Variants in KAT6B observed in about 807,000 individuals in gnomAD.
KAT6B encodes lysine acetyltransferase 6B, also known as histone acetyltransferase KAT6B.
In KAT6B, 10 loss-of-function variants were observed where a neutral mutation model predicts 187.5. That is an observed-to-expected ratio of 0.05 (90% CI 0.03 to 0.09). KAT6B has a LOEUF of 0.09. KAT6B is among the 10% of genes least tolerant of loss of function. KAT6B has a pLI of 1.00. For missense variants in KAT6B, 1,952 were observed against 2,558.9 expected, an observed-to-expected ratio of 0.76 and a Z score of 5.12; for synonymous variants, 861 against 926.8, an observed-to-expected ratio of 0.93 and a Z score of 1.29.
intron 3 of KAT6B, among the ~76,000 whole-genome samples, chr10:74,881,633 A>G (rs1159003803): frequency 6.6e-6 from 1 of 152,158 alleles, no homozygotes; most frequent in Admixed American, 6.5e-5. Flanking sequence ...CAAGGATGCC[A>G]TTAACCAGCA....
At chr10:74,908,545 G>A (rs1276249909) in intron 3 of KAT6B, among the ~76,000 whole-genome samples, 5 of 95,196 alleles carry the variant, frequency 5.3e-5, no homozygotes, top group Admixed American at 1.1e-4. Flanking sequence ...GCCAGACCCC[G>A]TCTCAAAAAA....
At chr10:75,001,438 T>C (rs1169328155) in intron 13 of KAT6B, among the ~76,000 whole-genome samples, 1 of 152,070 alleles carries the variant, frequency 6.6e-6, no homozygotes, top group Non-Finnish European at 1.5e-5. Context: ...CATACTTCAT[T>C]TCTACCCAGG....
rs1194708812 is a variant in KAT6B at position 74,898,170 on chromosome 10, G to A, written c.621+54692G>A. 2.6e-5 allele frequency among the ~76,000 whole-genome samples: 4 copies of A among 152,300 alleles called. No individual in the cohort carries two copies. The East Asian group carries it at 5.8e-4, about 22-fold the overall frequency. Reference sequence around the variant, plus strand: ...AAGGCATTGGTACAAAAAGGGAAAAGCACCTAGGATTTGGATCCTCAGTGG... The same window carrying A: ...AAGGCATTGGTACAAAAAGGGAAAAACACCTAGGATTTGGATCCTCAGTGG... On this transcript the variant is annotated intron_variant, in intron 3 of 17. Transcript: ENST00000287239.
intron 3 of KAT6B, among the ~76,000 whole-genome samples, chr10:74,947,909 T>G (rs1459988446): frequency 4.6e-5 from 7 of 152,218 alleles, no homozygotes; most frequent in Non-Finnish European, 8.8e-5. Context: ...GAGCAGAGTC[T>G]GTCCAAGATA....
chr10:74,984,914 A>G, intron 11 of KAT6B, 166 bp from the exon 12 acceptor site: 1 of 657,068 alleles, frequency 1.5e-6, no homozygotes, highest in Non-Finnish European at 2.6e-6. Context: ...TGCCAGTGAC[A>G]GCTGTTTTCT....
At chr10:74,831,967 T>A (rs1840898132) in intron 1 of KAT6B, among the ~76,000 whole-genome samples, 1 of 152,246 alleles carries the variant, frequency 6.6e-6, no homozygotes, top group Admixed American at 6.5e-5. Flanking sequence ...AACCTGTTTT[T>A]TGATAACATC....
At chr10:74,842,294 C>G (rs1337677325) in intron 2 of KAT6B, among the ~76,000 whole-genome samples, 2 of 152,004 alleles carry the variant, frequency 1.3e-5, no homozygotes, top group Admixed American at 1.3e-4. Flanking sequence ...CAGACATATA[C>G]CTCAAACCAC....
intron 3 of KAT6B, among the ~76,000 whole-genome samples, chr10:74,859,173 C>T (rs12217796): frequency 6.6e-6 from 1 of 152,110 alleles, no homozygotes. Context: ...CTCCACCTCC[C>T]AGGTTCAAGC....
At chr10:74,851,351 T>G (rs868639694) in intron 3 of KAT6B, among the ~76,000 whole-genome samples, 319 of 148,418 alleles carry the variant, frequency 2.1e-3, no homozygotes, top group African/African-American at 7.6e-3. Context: ...TTTTTTTTTT[T>G]GGAGATGGAG....
chr10:74,854,942 A>G (rs953851510), intron 3 of KAT6B, among the ~76,000 whole-genome samples: 1 of 152,216 alleles, frequency 6.6e-6, no homozygotes, highest in African/African-American at 2.4e-5. Context: ...TTTTTATTAT[A>G]GGTATACAAA....
chr10:74,970,861 TAA>T (rs1841804376), intron 6 of KAT6B, among the ~76,000 whole-genome samples: 1 of 152,184 alleles, frequency 6.6e-6, no homozygotes, highest in African/African-American at 2.4e-5. Flanking sequence ...TCCTCCCTCT[TAA>T]TAGATTATAA....
chr10:74,920,570 A>AT (rs148975801), intron 3 of KAT6B, among the ~76,000 whole-genome samples: 3,774 of 150,008 alleles, frequency 0.025, 156 homozygotes, highest in African/African-American at 0.087. Flanking sequence ...TTTTAGTTTG[A>AT]TTTTTTTTTT....
intron 13 of KAT6B, among the ~76,000 whole-genome samples, chr10:75,018,696 T>G (rs992974591): frequency 2.0e-5 from 3 of 152,058 alleles, no homozygotes; most frequent in Non-Finnish European, 4.4e-5. Flanking sequence ...TATGAACACT[T>G]TGGTTGTACA....
chr10:74,917,761 G>A (rs1392275966), intron 3 of KAT6B, among the ~76,000 whole-genome samples: 1 of 152,176 alleles, frequency 6.6e-6, no homozygotes, highest in Non-Finnish European at 1.5e-5. Context: ...CTTAAAGAAT[G>A]GGGAAACTTT....
intron 3 of KAT6B, among the ~76,000 whole-genome samples, chr10:74,880,572 T>C (rs1844772273): frequency 6.6e-6 from 1 of 152,256 alleles, no homozygotes; most frequent in African/African-American, 2.4e-5. Context: ...TTACTTCTCT[T>C]GGCTGTATAC....
intron 3 of KAT6B, among the ~76,000 whole-genome samples, chr10:74,959,748 C>T (rs1840958044): frequency 1.3e-5 from 2 of 152,224 alleles, no homozygotes; most frequent in Non-Finnish European, 2.9e-5. Context: ...CGAGATTGTG[C>T]CACTGCACTA....
chr10:75,008,868 A>T (rs1181873027), intron 13 of KAT6B, among the ~76,000 whole-genome samples: 1 of 152,222 alleles, frequency 6.6e-6, no homozygotes, highest in Non-Finnish European at 1.5e-5. Context: ...ATTTTTCATA[A>T]ATTAAGCATA....
chr10:75,003,762 TGAAA>T (rs1844014745), intron 13 of KAT6B, among the ~76,000 whole-genome samples: 1 of 152,212 alleles, frequency 6.6e-6, no homozygotes, highest in Non-Finnish European at 1.5e-5. Flanking sequence ...ACATCAAGGT[TGAAA>T]ATTGAGCTCT....
In KAT6B at chr10:75,030,817, C is replaced by T; in HGVS notation, c.5993C>T (p.Ser1998Phe). Residue 1998 changes from serine to phenylalanine, a missense_variant, in exon 18 of 18, where the codon TCC (serine) becomes TTC (phenylalanine). Physicochemically the swap from Ser to Phe is radical, Grantham distance 155. Coordinates refer to ENST00000287239, the MANE Select transcript of KAT6B (RefSeq NM_012330.4). The surrounding 1 kb of genome is among the most constrained non-coding windows in gnomAD (Gnocchi z 4.8). ...TLNAMNGYSM[S>F]QPMMNSGYHS... is the part of the protein sequence containing the mutation. The stretch of plus-strand genomic sequence containing the variant: ...AACGCCATGAATGGGTACAGCATGT[C>T]CCAGCCAATGATGAACAGTGGCTAC... 6.2e-7 allele frequency: 1 copy of T among 1,614,212 alleles called. No individual in the cohort carries two copies. Among genetic ancestry groups the T allele is most frequent in the Non-Finnish European group, 8.5e-7 (1 of 1,180,044 alleles).
Sources: gnomAD v4.1 joint callset for allele counts (sites outside exome capture counted in the v4.1 genomes callset) on GRCh38, gnomAD v4.1.1 for gene constraint, Gnocchi (gnomAD v3.1) non-coding constraint, MANE v1.5 for transcripts, NCBI Gene and HGNC (gene_info 2026-07-23, HGNC 2026-07-21) for gene names.